Variants in SH3RF3 observed in about 807,000 individuals in gnomAD.
The protein encoded by SH3RF3 is E3 ubiquitin-protein ligase SH3RF3.
In SH3RF3, 29 loss-of-function variants were observed where a neutral mutation model predicts 66.3. The observed-to-expected ratio is 0.44, with a 90% CI of 0.33 to 0.60. The LOEUF (loss-of-function observed/expected upper bound fraction) is 0.60, where lower values mean the gene tolerates loss of function less well. SH3RF3 is among the 20% of genes least tolerant of loss of function. The pLI, the probability that SH3RF3 is intolerant of heterozygous loss-of-function variation, is 0.04. For synonymous variants in SH3RF3, 583 were observed against 532.0 expected (o/e 1.10, Z -1.32); for missense variants, 1,194 against 1,190.9 (o/e 1.00, Z -0.04).
chr2:109,482,757 G>C (rs950988603), intron 8 of SH3RF3, among the ~76,000 whole-genome samples: 2 of 152,204 alleles, frequency 1.3e-5, no homozygotes, highest in African/African-American at 4.8e-5. Flanking sequence ...GGAAGGGCAG[G>C]GAACAACTGC....
chr2:109,421,762 G>T (rs1676890314), intron 5 of SH3RF3, among the ~76,000 whole-genome samples: 1 of 152,238 alleles, frequency 6.6e-6, no homozygotes, highest in South Asian at 2.1e-4. Flanking sequence ...GATTTAGGTA[G>T]GAATGTGTCT....
chr2:109,475,660 G>A (rs1573283381), intron 8 of SH3RF3, among the ~76,000 whole-genome samples: 3 of 152,148 alleles, frequency 2.0e-5, no homozygotes, highest in Non-Finnish European at 2.9e-5. Context: ...GTAGGATGTC[G>A]AGCAGCATCC....
chr2:109,240,475 AAAAAAC>A (rs1160512284), intron 1 of SH3RF3, among the ~76,000 whole-genome samples: 2 of 152,190 alleles, frequency 1.3e-5, no homozygotes, highest in African/African-American at 4.8e-5. Flanking sequence ...GCGACAAACA[AAAAAAC>A]AAACAAACAA....
At chr2:109,218,332 ACTT>A (rs748918392) in intron 1 of SH3RF3, among the ~76,000 whole-genome samples, 4 of 152,094 alleles carry the variant, frequency 2.6e-5, no homozygotes, top group East Asian at 3.9e-4. Flanking sequence ...GATTTCTTCT[ACTT>A]CACCAGAATT....
intron 2 of SH3RF3, among the ~76,000 whole-genome samples, chr2:109,370,911 A>AT (rs1356459539): frequency 6.6e-6 from 1 of 152,156 alleles, no homozygotes; most frequent in African/African-American, 2.4e-5. Context: ...GGACTGAGTT[A>AT]TTTTTTTGTT....
At chr2:109,495,629 TTAC>T (rs1679241037) in intron 9 of SH3RF3, among the ~76,000 whole-genome samples, 2 of 147,926 alleles carry the variant, frequency 1.4e-5, no homozygotes, top group South Asian at 2.2e-4. Flanking sequence ...CTGGGATTGA[TTAC>T]AGGCGTCCAC....
At chr2:109,401,516 G>A (rs1209342515) in intron 4 of SH3RF3, among the ~76,000 whole-genome samples, 2 of 152,160 alleles carry the variant, frequency 1.3e-5, no homozygotes, top group African/African-American at 4.8e-5. Context: ...TGCCTATCCT[G>A]ACAAGTATCT....
At chr2:109,381,755 G>C (rs1559052999) in intron 3 of SH3RF3, among the ~76,000 whole-genome samples, 1 of 152,106 alleles carries the variant, frequency 6.6e-6, no homozygotes, top group African/African-American at 2.4e-5. Flanking sequence ...ATGGAACGAA[G>C]GTGCTCTCGC....
chr2:109,144,253 G>A (rs1266505855), intron 1 of SH3RF3, among the ~76,000 whole-genome samples: 1 of 152,172 alleles, frequency 6.6e-6, no homozygotes, highest in Non-Finnish European at 1.5e-5. Context: ...TAACTGGAAT[G>A]TATATGTATA....
rs111825107 is a variant in SH3RF3, at chr2:109,500,011, C to T, written c.2481-1492C>T. On this transcript the variant is annotated intron_variant, in intron 9 of 9. Transcript: ENST00000309415. ...AGTGAAAAGTTACAGATGGTGGAAG[C>T]GGGTGGTCCGTGTGAACACATCTGG... Among the ~76,000 whole-genome samples the T allele has an allele frequency of 4.5e-3, 684 of 152,142 alleles. 6 individuals are homozygous for T. The highest frequency in any genetic ancestry group is 0.015 in the African/African-American group (640 of 41,500).
chr2:109,490,265 G>A (rs537152573), intron 8 of SH3RF3, among the ~76,000 whole-genome samples: 1 of 152,298 alleles, frequency 6.6e-6, no homozygotes, highest in South Asian at 2.1e-4. Flanking sequence ...CATGCTTACT[G>A]CTTGACTCCG....
chr2:109,249,807 C>T (rs1017061581), intron 1 of SH3RF3, among the ~76,000 whole-genome samples: 1 of 151,612 alleles, frequency 6.6e-6, no homozygotes, highest in Non-Finnish European at 1.5e-5. Context: ...CAGGCGCCCG[C>T]CACCGCGCCC....
intron 4 of SH3RF3, among the ~76,000 whole-genome samples, chr2:109,410,491 C>A (rs1479521125): frequency 1.3e-5 from 2 of 152,214 alleles, no homozygotes; most frequent in Non-Finnish European, 2.9e-5. Context: ...GTGCTAAGTT[C>A]CATCAGACAG....
intron 1 of SH3RF3, among the ~76,000 whole-genome samples, chr2:109,137,019 A>G (rs1676831006): frequency 6.6e-6 from 1 of 152,226 alleles, no homozygotes; most frequent in Non-Finnish European, 1.5e-5. Context: ...CATACACTAC[A>G]GTGGACACTG....
At chr2:109,212,986 C>G (rs1024133867) in intron 1 of SH3RF3, among the ~76,000 whole-genome samples, 1 of 152,200 alleles carries the variant, frequency 6.6e-6, no homozygotes, top group South Asian at 2.1e-4. Context: ...CCCAGGGAAG[C>G]CCTGTGCTGA....
At chr2:109,229,564 T>A (rs956991487) in intron 1 of SH3RF3, among the ~76,000 whole-genome samples, 7 of 152,106 alleles carry the variant, frequency 4.6e-5, no homozygotes, top group African/African-American at 1.7e-4. Flanking sequence ...GGGCTCTGAA[T>A]TGGTGGGTTT....
At chr2:109,453,958 G>A (rs572098530) in intron 8 of SH3RF3, among the ~76,000 whole-genome samples, 1 of 152,340 alleles carries the variant, frequency 6.6e-6, no homozygotes, top group East Asian at 1.9e-4. Flanking sequence ...CCCTGGGAGG[G>A]CCTCGTTGCC....
chr2:109,372,044 G>C lies in SH3RF3; in HGVS notation c.945+363G>C, dbSNP rs115309436. On this transcript the variant is annotated intron_variant, in intron 3 of 9. Transcript: ENST00000309415. ...TGCTGCTCTTTTCTCATGAGCACCA[G>C]AGGGGAAGAACCCGTCCCAAGGCAG... 7.4e-3 allele frequency among the ~76,000 whole-genome samples: 1,128 copies of C among 152,324 alleles called. 15 individuals carry two copies. Among genetic ancestry groups the C allele is most frequent in the African/African-American group, 0.026 (1,079 of 41,564 alleles).
intron 1 of SH3RF3, among the ~76,000 whole-genome samples, chr2:109,187,143 T>C (rs1678211981): frequency 6.7e-6 from 1 of 149,838 alleles, no homozygotes; most frequent in Non-Finnish European, 1.5e-5. Context: ...CACAGGACTC[T>C]GTCCCCACGG....
Sources: allele counts gnomAD v4.1 joint callset (sites outside exome capture counted in the v4.1 genomes callset), GRCh38; gene constraint gnomAD v4.1.1; transcripts MANE v1.5; gene names NCBI Gene and HGNC (gene_info 2026-07-23, HGNC 2026-07-21).